BMERB1: variants seen among roughly 807,000 people sequenced by gnomAD.
BMERB1 encodes the protein bMERB domain-containing protein 1.
A neutral mutation model predicts 23.6 loss-of-function variants in BMERB1; 12 were observed. The observed-to-expected ratio is 0.51, with a 90% CI of 0.33 to 0.82. BMERB1 has a LOEUF of 0.82. Among genes scored for constraint, BMERB1 ranks in the 40% least tolerant of loss-of-function variants. The probability of loss-of-function intolerance (pLI) is 0.03; values close to 1 mark genes in which losing one functional copy is unlikely to be tolerated. For synonymous variants in BMERB1, 122 were observed against 96.6 expected, an observed-to-expected ratio of 1.26 and a Z score of -1.54; for missense variants, 247 against 255.4, an observed-to-expected ratio of 0.97 and a Z score of 0.22.
chr16:15,570,123 A>T (rs188550412), intron 3 of BMERB1, among the ~76,000 whole-genome samples: 2 of 152,306 alleles, frequency 1.3e-5, no homozygotes, highest in African/African-American at 4.8e-5. Context: ...AATAGGCCAG[A>T]TAAGCACCCA....
chr16:15,495,869 G>A (rs2051467230), intron 1 of BMERB1, among the ~76,000 whole-genome samples: 1 of 152,122 alleles, frequency 6.6e-6, no homozygotes, highest in African/African-American at 2.4e-5. Flanking sequence ...GAATTCCCAT[G>A]GGCTAATGTC....
chr16:15,434,681 C>A lies in BMERB1; in HGVS notation c.28C>A (p.His10Asn). Residue 10 changes from histidine to asparagine, a missense_variant, in exon 1 of 6, where the codon CAT becomes AAT. Transcript: ENST00000300006. MELKQSLST[H>N]LEAEKPLRRY... ...GGAATTAAAGCAATCTTTGTCCACCCATCTGGAAGCCGAGAAGCCTCTGAG... is the reference window on the plus strand; with the variant it reads ...GGAATTAAAGCAATCTTTGTCCACCAATCTGGAAGCCGAGAAGCCTCTGAG... The A allele has an allele frequency of 6.2e-7, 1 of 1,613,848 alleles. No individual in the cohort carries two copies. The highest frequency in any genetic ancestry group is 8.5e-7 in the Non-Finnish European group (1 of 1,179,920).
intron 3 of BMERB1, among the ~76,000 whole-genome samples, chr16:15,579,825 C>G (rs950217933): frequency 2.0e-5 from 3 of 152,204 alleles, no homozygotes; most frequent in East Asian, 1.9e-4. Context: ...CTCCTCACCC[C>G]CTGCCTTTGC....
intron 1 of BMERB1, among the ~76,000 whole-genome samples, chr16:15,512,926 T>A (rs9944317): frequency 0.086 from 13,069 of 151,440 alleles, 1,847 homozygotes; most frequent in African/African-American, 0.3. Flanking sequence ...TTCCAAATCA[T>A]GGGTATAAGG....
intron 1 of BMERB1, among the ~76,000 whole-genome samples, chr16:15,497,783 C>T (rs1039999607): frequency 6.6e-6 from 1 of 152,154 alleles, no homozygotes; most frequent in Non-Finnish European, 1.5e-5. Flanking sequence ...CCTAGGATGG[C>T]GGGATAATCC....
intron 5 of BMERB1, among the ~76,000 whole-genome samples, chr16:15,583,611 GA>G (rs1202442819): frequency 6.7e-6 from 1 of 148,924 alleles, no homozygotes; most frequent in African/African-American, 2.5e-5. Flanking sequence ...CCATTTCAGA[GA>G]AGTCTGGGAG....
At chr16:15,475,010 T>A (rs2051263110) in intron 1 of BMERB1, among the ~76,000 whole-genome samples, 1 of 152,086 alleles carries the variant, frequency 6.6e-6, no homozygotes, top group Non-Finnish European at 1.5e-5. Flanking sequence ...TTTAAGCAGG[T>A]AGCCTTCCTG....
chr16:15,561,174 G>A (rs2030408232), intron 2 of BMERB1, among the ~76,000 whole-genome samples: 1 of 149,370 alleles, frequency 6.7e-6, no homozygotes, highest in South Asian at 2.1e-4. Flanking sequence ...GGCCAGGATG[G>A]TCTTGATCTC....
In BMERB1 at chr16:15,520,277, C is replaced by A. The variant is rs12933846; in HGVS notation, c.230+4849C>A. ...GTTCTGTTATCTTTATTCTCAATGC[C>A]AGGACCCCTTTTCTCTTTGCCTTAC... On this transcript the variant is annotated intron_variant, in intron 2 of 5. Transcript: ENST00000300006. 3.2e-3 allele frequency among the ~76,000 whole-genome samples: 490 copies of A among 151,892 alleles called. 5 individuals carry two copies. Among genetic ancestry groups the A allele is most frequent in the South Asian group, 6.9e-3 (33 of 4,810 alleles).
intron 2 of BMERB1, among the ~76,000 whole-genome samples, chr16:15,565,815 G>C (rs1210043686): frequency 6.6e-6 from 1 of 152,208 alleles, no homozygotes; most frequent in Non-Finnish European, 1.5e-5. Flanking sequence ...AGCTATGACT[G>C]TGCCTTGGGT....
intron 2 of BMERB1, among the ~76,000 whole-genome samples, chr16:15,549,432 G>A (rs994673748): frequency 2.0e-5 from 3 of 151,900 alleles, no homozygotes; most frequent in Admixed American, 6.6e-5. Flanking sequence ...TGTAATCCCA[G>A]CACTTTGGGA....
chr16:15,528,238 A>G (rs1188630944), intron 2 of BMERB1, among the ~76,000 whole-genome samples: 3 of 152,056 alleles, frequency 2.0e-5, no homozygotes, highest in African/African-American at 4.8e-5. Context: ...TGCTTCCAAG[A>G]TGGCGCCTTG....
At chr16:15,495,151 T>TGG (rs1224614612) in intron 1 of BMERB1, among the ~76,000 whole-genome samples, 1 of 152,132 alleles carries the variant, frequency 6.6e-6, no homozygotes, top group Non-Finnish European at 1.5e-5. Context: ...TCCAAAGTGC[T>TGG]GGGATTACAG....
At chr16:15,466,724 G>C (rs1179740229) in intron 1 of BMERB1, among the ~76,000 whole-genome samples, 3 of 149,726 alleles carry the variant, frequency 2.0e-5, no homozygotes, top group Non-Finnish European at 4.5e-5. Flanking sequence ...GTGTGTCTGT[G>C]TGTGTGTGTG....
intron 5 of BMERB1, 28 bp from the exon 6 acceptor site, chr16:15,586,689 C>G (rs771465072): frequency 6.4e-7 from 1 of 1,554,236 alleles, no homozygotes; most frequent in Non-Finnish European, 8.8e-7. Flanking sequence ...CTTTCTCCCC[C>G]TCTCCCTGTG....
At chr16:15,517,251 A>G (rs1427121601) in intron 2 of BMERB1, among the ~76,000 whole-genome samples, 4 of 152,176 alleles carry the variant, frequency 2.6e-5, no homozygotes, top group African/African-American at 9.7e-5. Flanking sequence ...GCTCACATCT[A>G]TAATCCTAGC....
chr16:15,568,860 A>G (rs2030650069), intron 3 of BMERB1, among the ~76,000 whole-genome samples: 1 of 152,098 alleles, frequency 6.6e-6, no homozygotes, highest in South Asian at 2.1e-4. Context: ...ATCTTCTCCA[A>G]AAAATTTTCC....
At chr16:15,474,311 A>G (rs1012777910) in intron 1 of BMERB1, among the ~76,000 whole-genome samples, 2 of 152,030 alleles carry the variant, frequency 1.3e-5, no homozygotes, top group East Asian at 1.9e-4. Context: ...TGATTCTTCA[A>G]ATAATTTTTC....
chr16:15,484,221 T>TA (rs2051348836), intron 1 of BMERB1, among the ~76,000 whole-genome samples: 1 of 152,118 alleles, frequency 6.6e-6, no homozygotes, highest in Admixed American at 6.5e-5. Flanking sequence ...GGGATCAAAT[T>TA]TTAACATGAG....
Sources: allele counts gnomAD v4.1 joint callset (sites outside exome capture counted in the v4.1 genomes callset), GRCh38; gene constraint gnomAD v4.1.1; transcripts MANE v1.5; gene names NCBI Gene and HGNC (gene_info 2026-07-23, HGNC 2026-07-21).